The following VRK2 variants were observed in gnomAD, a reference collection of about 807,000 sequenced individuals.
VRK2 encodes VRK serine/threonine kinase 2.
A neutral mutation model predicts 57.6 loss-of-function variants in VRK2; 60 were observed. The observed-to-expected ratio is 1.04, with a 90% CI of 0.85 to 1.29. The LOEUF is 1.29. Among genes scored for constraint, VRK2 ranks in the 50% most tolerant of loss-of-function variants. The probability of loss-of-function intolerance (pLI) is 0.00; values close to 1 mark genes in which losing one functional copy is unlikely to be tolerated. For synonymous variants in VRK2, 231 were observed against 199.2 expected (o/e 1.16, Z -1.35); for missense variants, 705 against 588.1 (o/e 1.20, Z -2.06).
At chr2:58,057,901 A>G (rs1247951626) in intron 2 of VRK2, among the ~76,000 whole-genome samples, 1 of 152,104 alleles carries the variant, frequency 6.6e-6, no homozygotes, top group Non-Finnish European at 1.5e-5. Flanking sequence ...GCTGCAAAGG[A>G]GCAAGAAAAG....
intron 1 of VRK2, among the ~76,000 whole-genome samples, chr2:57,950,913 G>A (rs1305742313): frequency 6.6e-6 from 1 of 151,964 alleles, no homozygotes; most frequent in Non-Finnish European, 1.5e-5. Context: ...CCAACATGGT[G>A]AAACTCCATC....
At chr2:58,099,701 C>A (rs1000239432) in intron 7 of VRK2, among the ~76,000 whole-genome samples, 5 of 152,022 alleles carry the variant, frequency 3.3e-5, no homozygotes, top group Admixed American at 1.3e-4. Flanking sequence ...GTTAGTATAC[C>A]TGTGTTCTTT....
In VRK2 at chr2:58,123,170, A is replaced by C; in HGVS notation, c.613A>C (p.Asn205His). 6.3e-7 allele frequency: 1 copy of C among 1,595,400 alleles called. No homozygotes were observed. Among genetic ancestry groups the C allele is most frequent in the Non-Finnish European group, 8.5e-7 (1 of 1,174,814 alleles). ...TGGGAACCACAAACAGTATCAGGAA[A>C]ATCCTAGAAAAGGCCATAATGGGAC... Reference protein sequence around the residue: ...PNGNHKQYQENPRKGHNGTIE... With the variant: ...PNGNHKQYQEHPRKGHNGTIE... Residue 205 changes from asparagine (N) to histidine (H), a missense_variant, in exon 8 of 13, where the codon AAT becomes CAT. By Grantham distance (68) the Asn-to-His change is moderately conservative (BLOSUM62 1). Transcript: ENST00000340157.
chr2:58,104,818 G>A (rs1674508765), intron 7 of VRK2, among the ~76,000 whole-genome samples: 1 of 151,896 alleles, frequency 6.6e-6, no homozygotes, highest in Admixed American at 6.6e-5. Flanking sequence ...TATACTGCAA[G>A]GCTATAGTAA....
chr2:58,151,731 G>GTTCTTTTTTT (rs1683068421), intron 12 of VRK2, among the ~76,000 whole-genome samples: 1 of 16,722 alleles, frequency 6.0e-5, no homozygotes, highest in African/African-American at 1.3e-4. Flanking sequence ...TTCTATGCTT[G>GTTCTTTTTTT]TTTTTTTTTT....
At chr2:57,935,431 T>C (rs992413048) in intron 1 of VRK2, among the ~76,000 whole-genome samples, 21 of 152,308 alleles carry the variant, frequency 1.4e-4, no homozygotes, top group African/African-American at 2.4e-5. Flanking sequence ...TCTGAAATCC[T>C]GAAGTTTTTA....
intron 7 of VRK2, among the ~76,000 whole-genome samples, 198 bp downstream of exon 7, chr2:58,089,921 G>A (rs774240408): frequency 6.6e-6 from 1 of 152,120 alleles, no homozygotes; most frequent in Non-Finnish European, 1.5e-5. Flanking sequence ...AGAGTCAGAG[G>A]GGTTAAATAA....
intron 7 of VRK2, among the ~76,000 whole-genome samples, chr2:58,117,768 T>C (rs1235491462): frequency 6.6e-6 from 1 of 152,010 alleles, no homozygotes; most frequent in Non-Finnish European, 1.5e-5. Flanking sequence ...CAGAAGAAAA[T>C]AAGACGCTTA....
In VRK2 at chr2:57,919,880, C is replaced by A. The variant is rs1204337405; in HGVS notation, c.-439+12041C>A. Among the ~76,000 whole-genome samples, 11 of 152,070 alleles carry A rather than the reference C, an allele frequency of 7.2e-5. No homozygotes were observed. In the South Asian group the frequency reaches 2.3e-3, roughly 32 times the overall value. Reference sequence around the variant, plus strand: ...GATCACATACCTCTTAAAAAGGAGCCATTATCTCCATGGGTTTCTCAGCTG... The same window carrying A: ...GATCACATACCTCTTAAAAAGGAGCAATTATCTCCATGGGTTTCTCAGCTG... On this transcript the variant is annotated intron_variant, in intron 1 of 15. Coordinates refer to the VRK2 transcript ENST00000417641.
At chr2:58,084,192 T>G in intron 3 of VRK2, 54 bp downstream of exon 3, 1 of 1,535,682 alleles carries the variant, frequency 6.5e-7, no homozygotes. Context: ...TTTCCTTTTC[T>G]GCTTTAAGAA....
chr2:57,955,738 T>A (rs1671567107), intron 1 of VRK2, among the ~76,000 whole-genome samples: 1 of 152,178 alleles, frequency 6.6e-6, no homozygotes, highest in South Asian at 2.1e-4. Flanking sequence ...TGCACATGTA[T>A]CCTGGAACTT....
chr2:58,120,520 C>T (rs1399535187), intron 7 of VRK2, among the ~76,000 whole-genome samples: 1 of 151,764 alleles, frequency 6.6e-6, no homozygotes, highest in Non-Finnish European at 1.5e-5. Flanking sequence ...AAATGTAAAC[C>T]CTATACTGCC....
At chr2:58,069,977 T>C (rs1266600616) in intron 2 of VRK2, among the ~76,000 whole-genome samples, 2 of 152,130 alleles carry the variant, frequency 1.3e-5, no homozygotes, top group Non-Finnish European at 2.9e-5. Context: ...GCTATTGTAT[T>C]ATTTTTAATC....
At chr2:58,013,827 C>T (rs1052184459) in intron 1 of VRK2, among the ~76,000 whole-genome samples, 4 of 147,666 alleles carry the variant, frequency 2.7e-5, no homozygotes, top group African/African-American at 1.0e-4. Context: ...CCACAGCACT[C>T]CCTCCTGGGC....
At chr2:57,986,800 T>C (rs1218203487) in intron 1 of VRK2, among the ~76,000 whole-genome samples, 2 of 152,078 alleles carry the variant, frequency 1.3e-5, no homozygotes, top group East Asian at 3.9e-4. Context: ...TGTTTTACCA[T>C]GTTGGCCAGG....
chr2:58,111,378 G>T (rs1367311542), intron 7 of VRK2, among the ~76,000 whole-genome samples: 1 of 152,158 alleles, frequency 6.6e-6, no homozygotes, highest in Non-Finnish European at 1.5e-5. Flanking sequence ...AGGGAAGCAG[G>T]TAAGGCTGTC....
chr2:58,101,274 C>A (rs1673921507), intron 7 of VRK2, among the ~76,000 whole-genome samples: 1 of 151,522 alleles, frequency 6.6e-6, no homozygotes, highest in African/African-American at 2.4e-5. Flanking sequence ...AATTTTTAAA[C>A]ATACTGAAAA....
At chr2:57,952,383 T>G (rs1342874320) in intron 1 of VRK2, among the ~76,000 whole-genome samples, 2 of 152,110 alleles carry the variant, frequency 1.3e-5, no homozygotes, top group African/African-American at 4.8e-5. Flanking sequence ...TTTAGAGATC[T>G]TAATAGAGAT....
chr2:58,008,240 A>C (rs1673314097), intron 1 of VRK2, among the ~76,000 whole-genome samples: 2 of 152,086 alleles, frequency 1.3e-5, no homozygotes, highest in Admixed American at 1.3e-4. Flanking sequence ...TAAGATCTAT[A>C]TAGTACATGA....
Sources: allele counts gnomAD v4.1 joint callset (sites outside exome capture counted in the v4.1 genomes callset), GRCh38; gene constraint gnomAD v4.1.1; transcripts MANE v1.5; gene names NCBI Gene and HGNC (gene_info 2026-07-23, HGNC 2026-07-21).